PARP8: variants seen among roughly 807,000 people sequenced by gnomAD.
The protein encoded by PARP8 is poly(ADP-ribose) polymerase family member 8.
In PARP8, 51 loss-of-function variants were observed where a neutral mutation model predicts 124.1. The ratio of observed to expected loss-of-function variants is 0.41; its 90% CI spans 0.33 to 0.52. The LOEUF (loss-of-function observed/expected upper bound fraction) is 0.52. PARP8 is among the 20% of genes least tolerant of loss of function. PARP8 has a pLI of 0.21. For missense variants in PARP8, 860 were observed against 1,018.9 expected (o/e 0.84, Z 2.12); for synonymous variants, 391 against 361.5 (o/e 1.08, Z -0.93).
At chr5:50,804,635 G>A (rs1213007467) in intron 14 of PARP8, among the ~76,000 whole-genome samples, 4 of 152,074 alleles carry the variant, frequency 2.6e-5, no homozygotes, top group African/African-American at 9.7e-5. Context: ...AAATATAGTA[G>A]TAATTCCTGA....
At chr5:50,809,512 G>C (rs1744210618) in intron 14 of PARP8, among the ~76,000 whole-genome samples, 2 of 152,054 alleles carry the variant, frequency 1.3e-5, no homozygotes, top group South Asian at 4.2e-4. Flanking sequence ...ATTGAGTTAA[G>C]GCAGTAGAGC....
intron 2 of PARP8, among the ~76,000 whole-genome samples, chr5:50,675,853 C>A (rs961501009): frequency 1.3e-5 from 2 of 152,006 alleles, no homozygotes; most frequent in African/African-American, 4.8e-5. Context: ...AAAAAAAAGT[C>A]GCAGAAATAA....
At chr5:50,777,976 T>A in intron 7 of PARP8, 93 bp from the exon 8 acceptor site, 1 of 889,054 alleles carries the variant, frequency 1.1e-6, no homozygotes, top group Non-Finnish European at 1.8e-6. Flanking sequence ...GGATGAGAAT[T>A]AGTGATTTAA....
intron 2 of PARP8, among the ~76,000 whole-genome samples, chr5:50,674,814 G>GT (rs1309704348): frequency 1.3e-5 from 2 of 152,178 alleles, no homozygotes; most frequent in African/African-American, 4.8e-5. Flanking sequence ...GCAGTTCATT[G>GT]TATTTTTTCC....
At chr5:50,756,238 G>T (rs899145068) in intron 3 of PARP8, among the ~76,000 whole-genome samples, 2 of 152,130 alleles carry the variant, frequency 1.3e-5, no homozygotes, top group African/African-American at 4.8e-5. Context: ...AGTGGTGAGA[G>T]AGGGCATCCC....
At chr5:50,758,296 C>T (rs1243370223) in intron 3 of PARP8, among the ~76,000 whole-genome samples, 2 of 152,290 alleles carry the variant, frequency 1.3e-5, no homozygotes, top group African/African-American at 4.8e-5. Context: ...TGTGATTGCA[C>T]TAATCCAAAT....
Position 50,813,704 on chromosome 5 carries a change from T to C in PARP8, c.1576-1728T>C, listed in dbSNP as rs553800672. Reference sequence around the variant, plus strand: ...AAGGGAATGCTTCCAGTTTTTGCCCTTCAGTATGATACTTGCTGTGGGTTT... The same window carrying C: ...AAGGGAATGCTTCCAGTTTTTGCCCCTCAGTATGATACTTGCTGTGGGTTT... On this transcript the variant is annotated intron_variant, in intron 14 of 25. Coordinates refer to ENST00000281631, the MANE Select transcript of PARP8 (RefSeq NM_024615.4). 2.0e-5 allele frequency among the ~76,000 whole-genome samples: 3 copies of C among 152,218 alleles called. No individual in the cohort carries two copies. The East Asian group carries it at 5.8e-4, about 29-fold the overall frequency.
intron 10 of PARP8, among the ~76,000 whole-genome samples, 180 bp from the exon 11 acceptor site, chr5:50,794,027 T>C (rs1580361363): frequency 6.6e-6 from 1 of 152,286 alleles, no homozygotes; most frequent in East Asian, 1.9e-4. Context: ...AAAGCTCTGC[T>C]AATTTGCTAT....
chr5:50,705,296 G>A (rs1754018575), intron 2 of PARP8, among the ~76,000 whole-genome samples: 2 of 152,110 alleles, frequency 1.3e-5, no homozygotes, highest in African/African-American at 4.8e-5. Context: ...AAAGAGGTGA[G>A]CCAGGTTGCT....
intron 2 of PARP8, among the ~76,000 whole-genome samples, chr5:50,727,098 G>A (rs1471433293): frequency 1.3e-5 from 2 of 152,128 alleles, no homozygotes; most frequent in Non-Finnish European, 2.9e-5. Context: ...TTGTATAGTA[G>A]TATTTTGTGA....
At chr5:50,700,778 TA>T (rs1227292947) in intron 2 of PARP8, among the ~76,000 whole-genome samples, 2 of 152,182 alleles carry the variant, frequency 1.3e-5, no homozygotes, top group Non-Finnish European at 2.9e-5. Flanking sequence ...AATACAATGT[TA>T]ATGTAGTAAT....
intron 15 of PARP8, among the ~76,000 whole-genome samples, chr5:50,820,340 T>C (rs1400293056): frequency 6.6e-6 from 1 of 152,258 alleles, no homozygotes; most frequent in African/African-American, 2.4e-5. Context: ...ATTAAGTCAC[T>C]TGTGTTCACA....
At chr5:50,819,427 C>CTTCTTT (rs1745491248) in intron 15 of PARP8, among the ~76,000 whole-genome samples, 2 of 46,638 alleles carry the variant, frequency 4.3e-5, no homozygotes, top group African/African-American at 1.9e-4. Flanking sequence ...ATTTTATCTT[C>CTTCTTT]TTTTTTTTTT....
rs59194940 is a variant in PARP8, at chr5:50,758,581, C to T, written c.185-1062C>T. Among the ~76,000 whole-genome samples the T allele has an allele frequency of 2.9e-3, 440 of 152,212 alleles. 8 individuals carry two copies. The highest frequency in any genetic ancestry group is 0.028 in the East Asian group (146 of 5,182). ...AATATCTTTTAATGTGCATTCCCTG[C>T]GCCATAAGAACAACTAATTTCTCCT... is the stretch of plus-strand genomic sequence containing the variant. On this transcript the variant is annotated intron_variant, in intron 3 of 25. Transcript: ENST00000281631.
chr5:50,712,487 A>G (rs781179426), intron 2 of PARP8, among the ~76,000 whole-genome samples: 1 of 152,178 alleles, frequency 6.6e-6, no homozygotes, highest in Non-Finnish European at 1.5e-5. Flanking sequence ...ATTTTATTAT[A>G]AGAAATGTAC....
At chr5:50,810,411 A>C (rs529479577) in intron 14 of PARP8, among the ~76,000 whole-genome samples, 4 of 152,198 alleles carry the variant, frequency 2.6e-5, no homozygotes, top group African/African-American at 9.6e-5. Flanking sequence ...AACTGGTAAT[A>C]GCTCTTAAAA....
intron 3 of PARP8, among the ~76,000 whole-genome samples, chr5:50,753,680 A>G (rs1280470502): frequency 6.6e-6 from 1 of 152,050 alleles, no homozygotes; most frequent in African/African-American, 2.4e-5. Flanking sequence ...ATTGACTGCT[A>G]TAGGGGATGA....
intron 2 of PARP8, among the ~76,000 whole-genome samples, chr5:50,684,593 A>T (rs1275722406): frequency 6.6e-6 from 1 of 152,158 alleles, no homozygotes; most frequent in Non-Finnish European, 1.5e-5. Flanking sequence ...GTCTTGACAG[A>T]GCACCAGCTT....
chr5:50,667,815 G>T (rs1004910499), intron 1 of PARP8: 184 of 1,097,478 alleles, frequency 1.7e-4, no homozygotes, highest in Admixed American at 8.5e-4. Context: ...GGCTGCTTCC[G>T]GCCTCCCCTA....
Sources: gnomAD v4.1 joint callset for allele counts (sites outside exome capture counted in the v4.1 genomes callset) on GRCh38, gnomAD v4.1.1 for gene constraint, MANE v1.5 for transcripts, NCBI Gene and HGNC (gene_info 2026-07-23, HGNC 2026-07-21) for gene names.